Variants in TMEM234 observed in about 807,000 individuals in gnomAD.
TMEM234 encodes the protein chromosome 1 open reading frame 91.
A neutral mutation model predicts 17.8 loss-of-function variants in TMEM234; 21 were observed. The observed-to-expected ratio is 1.18, with a 90% CI of 0.84 to 1.70. The LOEUF (loss-of-function observed/expected upper bound fraction) is 1.70, where lower values mean the gene tolerates loss of function less well. Ranked by LOEUF, TMEM234 falls within the 40% of genes most tolerant of loss-of-function variation. TMEM234 has a pLI of 0.00. For synonymous variants in TMEM234, 83 were observed against 73.5 expected, an observed-to-expected ratio of 1.13 and a Z score of -0.66; for missense variants, 137 against 166.9, an observed-to-expected ratio of 0.82 and a Z score of 0.99.
chr1:32,214,856 G>A, downstream of TMEM234: 1 of 1,613,968 alleles, frequency 6.2e-7, no homozygotes. Context: ...ACCGAATTAA[G>A]CCATCTGCTT....
downstream of TMEM234, chr1:32,214,482 G>A (rs1465207755): frequency 9.0e-6 from 3 of 334,316 alleles, no homozygotes; most frequent in African/African-American, 6.3e-5. Context: ...CAGGGTCCAA[G>A]GGAACTTATA....
intron 2 of TMEM234, 30 bp downstream of exon 2, chr1:32,221,837 C>A (rs371189310): frequency 6.2e-7 from 1 of 1,611,682 alleles, no homozygotes; most frequent in South Asian, 1.1e-5. Flanking sequence ...GGCAACTCCA[C>A]CGAGAGAGGG....
At chr1:32,221,844 A>C in intron 2 of TMEM234, 23 bp downstream of exon 2, 1 of 1,611,796 alleles carries the variant, frequency 6.2e-7, no homozygotes, top group Non-Finnish European at 8.5e-7. Context: ...CCACCGAGAG[A>C]GGGGCCTTTC....
intron 3 of TMEM234, among the ~76,000 whole-genome samples, chr1:32,220,806 C>G (rs145149772): frequency 1.3e-5 from 2 of 152,298 alleles, no homozygotes; most frequent in African/African-American, 4.8e-5. Context: ...AAATGGGTGA[C>G]TTGCTCATGG....
rs1426948657 is a variant in TMEM234 at position 32,219,550 on chromosome 1, G to A, written c.235+1581C>T. ...TAGGACTACAGGCACACACCACCAA[G>A]CCCAGTTAATTTTCGTATTTTTGTT... On this transcript the variant is annotated intron_variant, in intron 3 of 4. Coordinates refer to ENST00000309777, the MANE Select transcript of TMEM234 (RefSeq NM_019118.5). Among the ~76,000 whole-genome samples, 4 of 152,078 alleles carry A rather than the reference G, an allele frequency of 2.6e-5. No homozygotes were observed. In the East Asian group the frequency reaches 7.7e-4, roughly 29 times the overall value.
chr1:32,222,130 C>T (rs1046292935), intron 1 of TMEM234, 112 bp from the exon 2 acceptor site: 5 of 1,505,752 alleles, frequency 3.3e-6, no homozygotes, highest in Non-Finnish European at 4.4e-6. Context: ...CCTTCGCTCT[C>T]TTCGCCTCGG....
At chr1:32,220,206 G>A (rs542453796) in intron 3 of TMEM234, among the ~76,000 whole-genome samples, 21 of 152,168 alleles carry the variant, frequency 1.4e-4, no homozygotes, top group South Asian at 6.2e-4. Context: ...ACAGAGTCTC[G>A]CTCTGTTGCC....
chr1:32,219,105 G>T, intron 3 of TMEM234, among the ~76,000 whole-genome samples: 1 of 141,070 alleles, frequency 7.1e-6, no homozygotes, highest in South Asian at 2.4e-4. Flanking sequence ...AGAGCGAAAT[G>T]CCGTCTCAAA....
chr1:32,214,929 T>C (rs200705472), downstream of TMEM234: 1 of 1,613,790 alleles, frequency 6.2e-7, no homozygotes, highest in Non-Finnish European at 8.5e-7. Context: ...CTCATTCCCA[T>C]CAGGTGAGGG....
chr1:32,221,072 C>G, intron 3 of TMEM234, 59 bp downstream of exon 3: 2 of 1,454,844 alleles, frequency 1.4e-6, no homozygotes, highest in Non-Finnish European at 1.9e-6. Flanking sequence ...CCGCCCCCCC[C>G]AATCACTCTT....
At chr1:32,215,725 T>C, downstream of TMEM234, 1 of 1,264,440 alleles carries the variant, frequency 7.9e-7, no homozygotes, top group Non-Finnish European at 1.1e-6. Context: ...TTCCTTGGGG[T>C]TGGGGACCTC....
At position 32,222,299 on chromosome 1, in the gene TMEM234, C is replaced by T; in HGVS notation, c.16+8G>A. 6.4e-7 allele frequency: 1 copy of T among 1,551,300 alleles called. No individual in the cohort carries two copies. The highest frequency in any genetic ancestry group is 8.7e-7 in the Non-Finnish European group (1 of 1,149,126). On this transcript the variant is annotated splice_region_variant and intron_variant, in intron 1 of 4. Coordinates refer to ENST00000309777, the MANE Select transcript of TMEM234 (RefSeq NM_019118.5). The stretch of plus-strand genomic sequence containing the variant: ...GAAATCCATGGAAGGGCGGGGCCGG[C>T]TACCTACCCAGAGACGCCGCCATGG...
chr1:32,218,873 G>A (rs572267901), intron 3 of TMEM234, among the ~76,000 whole-genome samples: 3 of 152,306 alleles, frequency 2.0e-5, no homozygotes, highest in Admixed American at 6.5e-5. Context: ...GGTAGGCAGA[G>A]GTTGCAGTGA....
At chr1:32,215,895 T>C, downstream of TMEM234, 1 of 1,550,708 alleles carries the variant, frequency 6.4e-7, no homozygotes, top group Non-Finnish European at 8.7e-7. Flanking sequence ...TCTGCCATCT[T>C]GAGAGCCAGC....
chr1:32,219,397 G>T (rs1236855222), intron 3 of TMEM234, among the ~76,000 whole-genome samples: 1 of 152,058 alleles, frequency 6.6e-6, no homozygotes, highest in African/African-American at 2.4e-5. Context: ...TTTCGTTTTT[G>T]TTGTTGTTGT....
rs568684805 is a variant in TMEM234 at position 32,222,163 on chromosome 1, G to A, written c.16+144C>T. 1,370 of 1,500,676 alleles carry A rather than the reference G, an allele frequency of 9.1e-4. 11 individuals are homozygous for A. The African/African-American group carries it at 0.017, about 19-fold the overall frequency. The allele number at this position is 1,500,676 out of a possible 1,614,324, so 93.0% of individuals were successfully genotyped here. ...CGGCTGCGACTGGCGGCTAAGGCAG[G>A]CCCAGGGAAGCTAGGGAGATGAATC... On this transcript the variant is annotated intron_variant, in intron 1 of 4. Transcript: ENST00000309777.
rs1473679617 is a variant in TMEM234 at position 32,216,236 on chromosome 1, C to G, written c.*617G>C. The G allele has an allele frequency of 8.0e-7, 1 of 1,245,380 alleles. No homozygotes were observed. The highest frequency in any genetic ancestry group is 1.1e-6 in the Non-Finnish European group (1 of 918,480). The allele number at this position is 1,245,380 out of a possible 1,614,324, so 77.1% of individuals were successfully genotyped here. ...TAGATTTATTGACAGCTACTACTCG[C>G]CAGGTGTGCTGGAGTCAGGTGGGGC... is the stretch of plus-strand genomic sequence containing the variant. On this transcript the variant is annotated 3_prime_UTR_variant, in exon 5 of 5. Coordinates refer to ENST00000309777, the MANE Select transcript of TMEM234 (RefSeq NM_019118.5).
Position 32,217,239 on chromosome 1 carries a change from C to T in TMEM234, c.328+20G>A, listed in dbSNP as rs199921784. ...GAGATCCACAGAGCTGCGTCCCGCA[C>T]TCGCAGTAGTCTAACTTACGTTTTC... On this transcript the variant is annotated intron_variant, in intron 4 of 4. Transcript: ENST00000309777. 2.4e-5 allele frequency: 38 copies of T among 1,614,234 alleles called. No individual in the cohort carries two copies. Among genetic ancestry groups the T allele is most frequent in the Admixed American group, 5.0e-5 (3 of 60,024 alleles).
chr1:32,218,811 G>A (rs1354023694), intron 3 of TMEM234, among the ~76,000 whole-genome samples: 2 of 152,184 alleles, frequency 1.3e-5, no homozygotes, highest in African/African-American at 2.4e-5. Flanking sequence ...GGTGGTGCAT[G>A]CCTGTAGTCC....
Sources: allele counts gnomAD v4.1 joint callset (sites outside exome capture counted in the v4.1 genomes callset), GRCh38; gene constraint gnomAD v4.1.1; transcripts MANE v1.5; gene names NCBI Gene and HGNC (gene_info 2026-07-23, HGNC 2026-07-21).